The following GOLGA6L9 variants were observed in gnomAD, a reference collection of about 807,000 sequenced individuals.
The protein encoded by GOLGA6L9 is golgin subfamily A member 6-like protein 9.
GOLGA6L9 carries 19 observed loss-of-function variants against 51.3 expected under a neutral mutation model. The observed-to-expected ratio is 0.37, with a 90% confidence interval of 0.26 to 0.54. The LOEUF (loss-of-function observed/expected upper bound fraction) is 0.54. GOLGA6L9 is among the 20% of genes least tolerant of loss of function. GOLGA6L9 has a pLI of 0.83. For synonymous variants in GOLGA6L9, 97 were observed against 184.2 expected, an observed-to-expected ratio of 0.53 and a Z score of 3.83; for missense variants, 247 against 464.1, an observed-to-expected ratio of 0.53 and a Z score of 4.30.
chr15:82,427,230 C>CT (rs1370937417), upstream of GOLGA6L9, among the ~76,000 whole-genome samples: 7 of 86,812 alleles, frequency 8.1e-5, no homozygotes, highest in East Asian at 3.7e-4. Context: ...TTCTTTCTTT[C>CT]TTCTTCTTCC....
Position 82,438,461 on chromosome 15 carries a change from T to C in GOLGA6L9, c.*2050T>C, listed in dbSNP as rs1429640561. Reference sequence around the variant, plus strand: ...ACTATGACAATAACTATGACAAGTCTTTCTTCAAAGTGCATGCAGTCTTTT... The same window carrying C: ...ACTATGACAATAACTATGACAAGTCCTTCTTCAAAGTGCATGCAGTCTTTT... On this transcript the variant is annotated 3_prime_UTR_variant, in exon 9 of 9. Transcript: ENST00000618348. 3 of 151,626 alleles carry C rather than the reference T, an allele frequency of 2.0e-5. No homozygotes were observed. The East Asian group carries it at 5.8e-4, about 29-fold the overall frequency. 9.4% of individuals were successfully genotyped at this position (151,626 alleles called of 1,614,324 possible).
chr15:82,418,565 G>C, the GOLGA6L9 span: 1 of 152,174 alleles, frequency 6.6e-6, no homozygotes, highest in Non-Finnish European at 1.5e-5. Context: ...TATTTTGTTT[G>C]AGAAAGAATT....
the GOLGA6L9 span, among the ~76,000 whole-genome samples, chr15:82,419,003 GAATTTCAGAGC>G: frequency 6.6e-6 from 1 of 152,120 alleles, no homozygotes; most frequent in African/African-American, 2.4e-5. Flanking sequence ...CAATTGACTG[GAATTTCAGAGC>G]AATTTCATAA....
At chr15:82,417,190 A>G in the GOLGA6L9 span, among the ~76,000 whole-genome samples, 21 of 152,356 alleles carry the variant, frequency 1.4e-4, no homozygotes, top group Non-Finnish European at 2.9e-4. Context: ...TGTTTGCTGT[A>G]CAGCTTTGAC....
chr15:82,417,735 C>G, the GOLGA6L9 span, among the ~76,000 whole-genome samples: 1 of 152,136 alleles, frequency 6.6e-6, no homozygotes, highest in Non-Finnish European at 1.5e-5. Flanking sequence ...ATCAGCATCT[C>G]CAAAATTTGA....
the GOLGA6L9 span, among the ~76,000 whole-genome samples, chr15:82,424,452 C>T: frequency 6.6e-6 from 1 of 152,144 alleles, no homozygotes; most frequent in Non-Finnish European, 1.5e-5. Context: ...AAGCAGAGAC[C>T]AGTAGGTGCA....
the GOLGA6L9 span, among the ~76,000 whole-genome samples, chr15:82,417,770 T>C: frequency 2.0e-5 from 3 of 152,166 alleles, no homozygotes; most frequent in Non-Finnish European, 2.9e-5. Context: ...GTTAACTCAT[T>C]AACTAAATGA....
chr15:82,417,869 A>G, the GOLGA6L9 span, among the ~76,000 whole-genome samples: 4 of 152,268 alleles, frequency 2.6e-5, no homozygotes, highest in Non-Finnish European at 5.9e-5. Context: ...ATTATATACA[A>G]TACTCTCTTA....
upstream of GOLGA6L9, among the ~76,000 whole-genome samples, chr15:82,429,066 CTTATT>C (rs1342193042): frequency 0.015 from 2,296 of 152,010 alleles, 30 homozygotes; most frequent in East Asian, 0.024. Context: ...TATTTTGTAT[CTTATT>C]TTATTTTATT....
chr15:82,417,412 AC>A, the GOLGA6L9 span, among the ~76,000 whole-genome samples: 1 of 152,224 alleles, frequency 6.6e-6, no homozygotes, highest in African/African-American at 2.4e-5. Flanking sequence ...AGTAGAGTCG[AC>A]CACTTTTAGG....
At chr15:82,417,859 ATTATAT>A in the GOLGA6L9 span, among the ~76,000 whole-genome samples, 3 of 152,260 alleles carry the variant, frequency 2.0e-5, no homozygotes, top group Non-Finnish European at 2.9e-5. Flanking sequence ...ATGAGTGCAC[ATTATAT>A]ACAATACTCT....
upstream of GOLGA6L9, among the ~76,000 whole-genome samples, chr15:82,429,272 T>A (rs1459700294): frequency 1.7e-4 from 26 of 152,112 alleles, no homozygotes; most frequent in South Asian, 5.2e-3. Context: ...ACAGGGTTTC[T>A]TCATGTTGGC....
In GOLGA6L9 at chr15:82,437,765, A is replaced by T. The variant is rs1398388770; in HGVS notation, c.*1354A>T. 40 of 150,898 alleles carry T rather than the reference A, an allele frequency of 2.7e-4. No individual in the cohort carries two copies. The highest frequency in any genetic ancestry group is 9.6e-4 in the African/African-American group (39 of 40,816). 9.3% of individuals were successfully genotyped at this position (150,898 alleles called of 1,614,324 possible). On this transcript the variant is annotated 3_prime_UTR_variant, in exon 9 of 9. Transcript: ENST00000618348. ...CAGTATTATACTACATTTGAAAATC[A>T]AGGAGCAGTTTATGCAACGTAAAAC...
At chr15:82,432,757 T>C (rs2031462716) in intron 3 of GOLGA6L9, 60 bp from the exon 4 acceptor site, 1 of 1,547,144 alleles carries the variant, frequency 6.5e-7, no homozygotes, top group Non-Finnish European at 8.9e-7. Context: ...CCCTAATGAT[T>C]ATTCTCTCTA....
the GOLGA6L9 span, among the ~76,000 whole-genome samples, chr15:82,424,617 A>G: frequency 2.0e-5 from 3 of 151,844 alleles, no homozygotes; most frequent in African/African-American, 7.2e-5. Flanking sequence ...AACTGAGTTA[A>G]CTATGACCGT....
At chr15:82,417,603 T>C in the GOLGA6L9 span, among the ~76,000 whole-genome samples, 1 of 152,236 alleles carries the variant, frequency 6.6e-6, no homozygotes, top group Non-Finnish European at 1.5e-5. Context: ...CTTCCTACTT[T>C]CTGAGACTCT....
rs1425486512 is a variant in GOLGA6L9 at position 82,438,108 on chromosome 15, T to A, written c.*1697T>A. 2.2e-5 allele frequency: 3 copies of A among 135,594 alleles called. No homozygotes were observed. The highest frequency in any genetic ancestry group is 2.1e-4 in the Admixed American group (3 of 14,186). 8.4% of individuals were successfully genotyped at this position (135,594 alleles called of 1,614,324 possible). A position where few individuals can be genotyped will look rare whatever the true frequency, so the allele number is the denominator to read the frequency against. ...ACTGTTAATTAGCCACATTATTTGGTCTAACAGTTTATCATTCTGAAACTG... is the reference window on the plus strand; with the variant it reads ...ACTGTTAATTAGCCACATTATTTGGACTAACAGTTTATCATTCTGAAACTG... On this transcript the variant is annotated 3_prime_UTR_variant, in exon 9 of 9. Coordinates refer to ENST00000618348, the MANE Select transcript of GOLGA6L9 (RefSeq NM_198181.4).
At chr15:82,416,209 A>G in the GOLGA6L9 span, among the ~76,000 whole-genome samples, 1 of 152,190 alleles carries the variant, frequency 6.6e-6, no homozygotes, top group Non-Finnish European at 1.5e-5. Context: ...TTCAGAGTAT[A>G]CGAAACCAAT....
chr15:82,438,572 G>C lies in GOLGA6L9; in HGVS notation c.*2161G>C, dbSNP rs999567071. On this transcript the variant is annotated 3_prime_UTR_variant, in exon 9 of 9. Transcript: ENST00000618348. ...ATTTGCTTAGAAGGCAACATTAGAA[G>C]GTTAGAGTTCAGCAGGAACATAGAA... 6.9e-6 allele frequency: 1 copy of C among 145,532 alleles called. No individual in the cohort carries two copies. The highest frequency in any genetic ancestry group is 1.5e-5 in the Non-Finnish European group (1 of 66,176). 9.0% of individuals were successfully genotyped at this position (145,532 alleles called of 1,614,324 possible).
Sources: allele counts gnomAD v4.1 joint callset (sites outside exome capture counted in the v4.1 genomes callset), GRCh38; gene constraint gnomAD v4.1.1; transcripts MANE v1.5; gene names NCBI Gene and HGNC (gene_info 2026-07-23, HGNC 2026-07-21).